Variants in KLHL6 observed in about 807,000 individuals in gnomAD.
KLHL6 encodes the protein kelch like family member 6, also known as kelch-like protein 6.
Under a neutral mutation model 58.6 loss-of-function variants are expected in KLHL6, and 41 were observed. The observed-to-expected ratio is 0.70, with a 90% CI of 0.55 to 0.91. The LOEUF (loss-of-function observed/expected upper bound fraction) is 0.91. KLHL6 is among the 40% of genes least tolerant of loss of function. The pLI is 0.00. For missense variants in KLHL6, 714 were observed against 805.6 expected (o/e 0.89, Z 1.38); for synonymous variants, 338 against 322.7 (o/e 1.05, Z -0.51).
rs977527511 is a variant in KLHL6 at position 183,491,917 on chromosome 3, C to T, written c.*10G>A. On this transcript the variant is annotated 3_prime_UTR_variant, in exon 7 of 7. Coordinates refer to ENST00000341319, the MANE Select transcript of KLHL6 (RefSeq NM_130446.4). The stretch of plus-strand genomic sequence containing the variant: ...GGGTCGGGGGGGCTCTCCAGCTCCC[C>T]ATCCTGCCGTCAGACAGACACTGCT... The T allele has an allele frequency of 6.8e-7, 1 of 1,467,382 alleles. No homozygotes were observed. Among genetic ancestry groups the T allele is most frequent in the African/African-American group, 1.4e-5 (1 of 70,406 alleles). 90.9% of individuals were successfully genotyped at this position (1,467,382 alleles called of 1,614,324 possible).
chr3:183,511,031 G>A (rs1180615635), intron 2 of KLHL6, among the ~76,000 whole-genome samples: 4 of 152,146 alleles, frequency 2.6e-5, no homozygotes, highest in South Asian at 4.1e-4. Flanking sequence ...AGAACAGTGG[G>A]CCCAGGGGAC....
intron 2 of KLHL6, among the ~76,000 whole-genome samples, chr3:183,526,011 G>C (rs935114757): frequency 2.6e-5 from 4 of 152,182 alleles, no homozygotes; most frequent in African/African-American, 9.7e-5. Flanking sequence ...CCATTCAAAA[G>C]AATAAATAAT....
At chr3:183,524,909 G>A (rs1406814887) in intron 2 of KLHL6, among the ~76,000 whole-genome samples, 1 of 152,126 alleles carries the variant, frequency 6.6e-6, no homozygotes, top group Non-Finnish European at 1.5e-5. Context: ...ATAACCCTGA[G>A]TTAATTAAAA....
rs535223085 is a variant in KLHL6 at position 183,514,746 on chromosome 3, G to T, written c.460-6238C>A. Among the ~76,000 whole-genome samples the T allele has an allele frequency of 2.0e-5, 3 of 150,812 alleles. No homozygotes were observed. In the South Asian group the frequency reaches 6.3e-4, roughly 31 times the overall value. Reference sequence around the variant, plus strand: ...TACAGTGGCACGATCTCGGCTCATTGCATCTTCTGCCTCCCAGGTTCAAGT... The same window carrying T: ...TACAGTGGCACGATCTCGGCTCATTTCATCTTCTGCCTCCCAGGTTCAAGT... On this transcript the variant is annotated intron_variant, in intron 2 of 6. Coordinates refer to ENST00000341319, the MANE Select transcript of KLHL6 (RefSeq NM_130446.4).
chr3:183,528,533 T>G (rs778568374), intron 1 of KLHL6, among the ~76,000 whole-genome samples: 1 of 152,196 alleles, frequency 6.6e-6, no homozygotes, highest in Non-Finnish European at 1.5e-5. Context: ...AGCCTTGAAT[T>G]CCCTCATTTC....
At chr3:183,496,927 C>A (rs948531131) in intron 4 of KLHL6, among the ~76,000 whole-genome samples, 1 of 152,154 alleles carries the variant, frequency 6.6e-6, no homozygotes, top group Non-Finnish European at 1.5e-5. Flanking sequence ...CACCTGAGAT[C>A]AGGAGTTCAA....
chr3:183,503,714 G>A (rs562289988), intron 3 of KLHL6, among the ~76,000 whole-genome samples: 123 of 152,302 alleles, frequency 8.1e-4, no homozygotes, highest in African/African-American at 2.7e-3. Flanking sequence ...GGGAGGCAGA[G>A]GTTGCAGTGA....
intron 5 of KLHL6, chr3:183,493,855 C>A: frequency 1.8e-6 from 1 of 560,072 alleles, no homozygotes; most frequent in Non-Finnish European, 3.2e-6. Flanking sequence ...GACAGGTGCC[C>A]ACACAGACCT....
chr3:183,528,047 A>C, intron 1 of KLHL6, 37 bp from the exon 2 acceptor site: 1 of 1,612,168 alleles, frequency 6.2e-7, no homozygotes, highest in Non-Finnish European at 8.5e-7. Flanking sequence ...TCGTGCCGAG[A>C]CCCTTGGTTC....
chr3:183,513,458 G>A (rs1247935872), intron 2 of KLHL6, among the ~76,000 whole-genome samples: 1 of 152,212 alleles, frequency 6.6e-6, no homozygotes, highest in African/African-American at 2.4e-5. Flanking sequence ...GATGCCAAAC[G>A]TCATTTGCAC....
At chr3:183,538,661 T>C (rs1712442640) in intron 1 of KLHL6, among the ~76,000 whole-genome samples, 1 of 151,818 alleles carries the variant, frequency 6.6e-6, no homozygotes, top group Non-Finnish European at 1.5e-5. Flanking sequence ...TCAAAGGGGG[T>C]TCCATTGCAA....
intron 1 of KLHL6, among the ~76,000 whole-genome samples, chr3:183,528,846 G>A (rs528088767): frequency 3.9e-5 from 6 of 152,276 alleles, no homozygotes; most frequent in South Asian, 4.1e-4. Flanking sequence ...ACACATGCAC[G>A]TGTATGTTCA....
At chr3:183,549,500 A>T (rs2108699548) in intron 1 of KLHL6, among the ~76,000 whole-genome samples, 1 of 152,306 alleles carries the variant, frequency 6.6e-6, no homozygotes, top group Non-Finnish European at 1.5e-5. Flanking sequence ...GGCTAAATCC[A>T]ACTTGAATGG....
rs576861577 is a variant in KLHL6 at position 183,493,998 on chromosome 3, C to G, written c.1350+81G>C. ...AAAGTGATCAGAAAGCTGACCACCA[C>G]GGCAGGCACGTTCCAAAGCTTTTTA... On this transcript the variant is annotated intron_variant, in intron 5 of 6. Transcript: ENST00000341319. 3.1e-6 allele frequency: 4 copies of G among 1,293,884 alleles called. No individual in the cohort carries two copies. In the East Asian group the frequency reaches 9.3e-5, roughly 30 times the overall value. The allele number at this position is 1,293,884 out of a possible 1,614,324, so 80.2% of individuals were successfully genotyped here. A position where few individuals can be genotyped will look rare whatever the true frequency, so the allele number is the denominator to read the frequency against.
intron 5 of KLHL6, 147 bp downstream of exon 5, chr3:183,493,932 G>A (rs1717640662): frequency 5.6e-6 from 4 of 717,460 alleles, no homozygotes; most frequent in Non-Finnish European, 9.9e-6. Context: ...CTCCTAGGAG[G>A]AGGGAAGCTC....
At position 183,533,376 on chromosome 3, in the gene KLHL6, T is replaced by C. The variant is rs1013708067; in HGVS notation, c.294-5366A>G. Reference sequence around the variant, plus strand: ...TCTTCCTTCTTTTCCTGGCCTCAAGTGACCCTCTTCCCTCAGGCTCCCCAG... The same window carrying C: ...TCTTCCTTCTTTTCCTGGCCTCAAGCGACCCTCTTCCCTCAGGCTCCCCAG... On this transcript the variant is annotated intron_variant, in intron 1 of 6. Transcript: ENST00000341319. Among the ~76,000 whole-genome samples, 6 of 151,710 alleles carry C rather than the reference T, an allele frequency of 4.0e-5. No individual in the cohort carries two copies. In the South Asian group the frequency reaches 6.3e-4, roughly 16 times the overall value.
At chr3:183,527,078 G>A (rs544279484) in intron 2 of KLHL6, among the ~76,000 whole-genome samples, 42 of 150,948 alleles carry the variant, frequency 2.8e-4, no homozygotes, top group Middle Eastern at 3.4e-3. Context: ...CAGCCTGGGC[G>A]TCACAGCGAG....
intron 2 of KLHL6, among the ~76,000 whole-genome samples, chr3:183,525,484 A>C (rs1017102007): frequency 1.3e-5 from 2 of 152,166 alleles, no homozygotes. Flanking sequence ...TGAAAACATC[A>C]TCTCATCTAA....
chr3:183,526,804 G>T (rs188653210), intron 2 of KLHL6, among the ~76,000 whole-genome samples: 19 of 152,142 alleles, frequency 1.2e-4, no homozygotes, highest in Non-Finnish European at 2.1e-4. Context: ...GTGATTCTAA[G>T]TATATTAAAG....
Sources: gnomAD v4.1 joint callset for allele counts (sites outside exome capture counted in the v4.1 genomes callset) on GRCh38, gnomAD v4.1.1 for gene constraint, MANE v1.5 for transcripts, NCBI Gene and HGNC (gene_info 2026-07-23, HGNC 2026-07-21) for gene names.